TSGA10: variants seen among roughly 807,000 people sequenced by gnomAD.
The protein encoded by TSGA10 is testis-specific gene 10 protein.
TSGA10 carries 43 observed loss-of-function variants against 96.6 expected under a neutral mutation model. The ratio of observed to expected loss-of-function variants is 0.44; its 90% CI spans 0.35 to 0.57. The LOEUF is 0.57. TSGA10 is among the 20% of genes least tolerant of loss of function. The probability of loss-of-function intolerance (pLI) is 0.01; values close to 1 mark genes in which losing one functional copy is unlikely to be tolerated. For synonymous variants in TSGA10, 229 were observed against 269.9 expected, an observed-to-expected ratio of 0.85 and a Z score of 1.48; for missense variants, 703 against 834.4, an observed-to-expected ratio of 0.84 and a Z score of 1.94.
chr2:99,147,540 T>C, intron 1 of TSGA10: 1 of 1,538,240 alleles, frequency 6.5e-7, no homozygotes, highest in East Asian at 2.3e-5. Flanking sequence ...TGGTTCCTCC[T>C]CAGTCCTTTT....
At chr2:99,135,219 TAGG>T (rs2093275645) in intron 1 of TSGA10, among the ~76,000 whole-genome samples, 3 of 152,206 alleles carry the variant, frequency 2.0e-5, no homozygotes, top group Non-Finnish European at 2.9e-5. Context: ...CCCAGGGAGA[TAGG>T]AGTTTTATCT....
chr2:99,109,497 G>C lies in TSGA10; in HGVS notation c.-58C>G. 6.3e-7 allele frequency: 1 copy of C among 1,596,572 alleles called. No homozygotes were observed. The highest frequency in any genetic ancestry group is 8.6e-7 in the Non-Finnish European group (1 of 1,169,456). ...GATCTTTGTCTGCTTCCAAAGTCTT[G>C]ACAAAGGAATCAAGTCTAGAAGGAG... On this transcript the variant is annotated 5_prime_UTR_variant, in exon 6 of 21. Transcript: ENST00000393483.
chr2:99,134,408 C>T (rs772915929), intron 1 of TSGA10, among the ~76,000 whole-genome samples: 14 of 152,036 alleles, frequency 9.2e-5, no homozygotes, highest in Non-Finnish European at 1.5e-4. Context: ...CAAGTTCTCA[C>T]GCTGTGTTTT....
intron 10 of TSGA10, among the ~76,000 whole-genome samples, chr2:99,102,947 T>C (rs997843748): frequency 1.3e-5 from 2 of 152,178 alleles, no homozygotes; most frequent in Non-Finnish European, 1.5e-5. Context: ...AGAATTTAAT[T>C]TCCTGTACAA....
At chr2:99,059,052 A>ATATATATATATATATATTTATATATT in intron 16 of TSGA10, among the ~76,000 whole-genome samples, 1 of 61,222 alleles carries the variant, frequency 1.6e-5, no homozygotes, top group South Asian at 3.7e-4. Flanking sequence ...AAAAAATAAT[A>ATATATATATATATATATTTATATATT]TATATATATA....
chr2:99,064,110 A>G (rs2084991722), intron 16 of TSGA10, among the ~76,000 whole-genome samples: 1 of 152,232 alleles, frequency 6.6e-6, no homozygotes, highest in Admixed American at 6.5e-5. Flanking sequence ...GAAATTGCAC[A>G]TATCTTGGAT....
chr2:99,042,967 G>A (rs181942953), intron 16 of TSGA10, among the ~76,000 whole-genome samples: 1 of 152,198 alleles, frequency 6.6e-6, no homozygotes, highest in African/African-American at 2.4e-5. Context: ...CCAAAGTGCT[G>A]GGATTACAGG....
At chr2:99,009,125 G>A (rs963834050) in intron 20 of TSGA10, among the ~76,000 whole-genome samples, 4 of 151,906 alleles carry the variant, frequency 2.6e-5, no homozygotes, top group East Asian at 3.9e-4. Context: ...AAATTAAGTT[G>A]AGGAAAAAAC....
intron 17 of TSGA10, among the ~76,000 whole-genome samples, chr2:99,029,148 G>A (rs1029727190): frequency 1.3e-5 from 2 of 152,068 alleles, no homozygotes; most frequent in African/African-American, 4.8e-5. Flanking sequence ...TGTAGCCTAA[G>A]GTGATGACTA....
intron 17 of TSGA10, among the ~76,000 whole-genome samples, chr2:99,023,580 C>T (rs1473863497): frequency 2.0e-5 from 3 of 152,186 alleles, no homozygotes; most frequent in Non-Finnish European, 4.4e-5. Flanking sequence ...TTAATCTTTG[C>T]ATGTGATCCA....
intron 1 of TSGA10, among the ~76,000 whole-genome samples, chr2:99,148,830 T>G (rs2093658753): frequency 6.6e-6 from 1 of 152,078 alleles, no homozygotes; most frequent in Admixed American, 6.6e-5. Context: ...CGTTAGAGTT[T>G]CTGTTTGGGA....
intron 4 of TSGA10, 30 bp from the exon 5 acceptor site, chr2:99,110,945 ATTTCTATT>A: frequency 1.6e-6 from 1 of 628,842 alleles, no homozygotes; most frequent in Non-Finnish European, 2.0e-6. Context: ...AAAAAAAATT[ATTTCTATT>A]AAAGATGTTT....
chr2:99,100,947 AGGC>A (rs2104773689), intron 10 of TSGA10, among the ~76,000 whole-genome samples: 1 of 143,140 alleles, frequency 7.0e-6, no homozygotes, highest in South Asian at 2.2e-4. Context: ...AGCATAAATT[AGGC>A]TGGGTGAAAA....
intron 2 of TSGA10, among the ~76,000 whole-genome samples, chr2:99,120,571 T>C (rs1341729682): frequency 1.3e-5 from 2 of 152,196 alleles, no homozygotes; most frequent in Non-Finnish European, 2.9e-5. Flanking sequence ...TTTCCAGTAT[T>C]ATAGGTACTC....
intron 2 of TSGA10, chr2:99,125,709 T>G (rs1405661557): frequency 6.6e-6 from 1 of 152,184 alleles, no homozygotes; most frequent in African/African-American, 2.4e-5. Context: ...TAGATCAAAG[T>G]AGAAGTCCAG....
At chr2:99,001,917 A>C (rs867566305) in intron 20 of TSGA10, among the ~76,000 whole-genome samples, 3 of 152,208 alleles carry the variant, frequency 2.0e-5, no homozygotes, top group African/African-American at 7.2e-5. Context: ...GAAATGAAGC[A>C]AGAAGAGAAG....
intron 15 of TSGA10, among the ~76,000 whole-genome samples, chr2:99,066,072 C>T (rs974195542): frequency 2.0e-5 from 3 of 152,134 alleles, no homozygotes; most frequent in African/African-American, 7.2e-5. Flanking sequence ...AGTGCACGTC[C>T]CTATCAGAAA....
intron 1 of TSGA10, among the ~76,000 whole-genome samples, chr2:99,148,962 CAATA>C (rs1399320913): frequency 6.6e-6 from 1 of 151,320 alleles, no homozygotes; most frequent in Non-Finnish European, 1.5e-5. Context: ...TATTTTACCA[CAATA>C]AATAAAATAT....
At chr2:99,066,842 C>T (rs937267505) in intron 15 of TSGA10, among the ~76,000 whole-genome samples, 27 of 152,104 alleles carry the variant, frequency 1.8e-4, no homozygotes, top group African/African-American at 5.8e-4. Flanking sequence ...CCTCTGGCCA[C>T]CCACAAGTCT....
Sources: allele counts gnomAD v4.1 joint callset (sites outside exome capture counted in the v4.1 genomes callset), GRCh38; gene constraint gnomAD v4.1.1; transcripts MANE v1.5; gene names NCBI Gene and HGNC (gene_info 2026-07-23, HGNC 2026-07-21).